The following RUFY3 variants were observed in gnomAD, a reference collection of about 807,000 sequenced individuals.
RUFY3 encodes RUN and FYVE domain containing 3.
A neutral mutation model predicts 84.0 loss-of-function variants in RUFY3; 34 were observed. That is an observed-to-expected ratio of 0.40 (90% confidence interval 0.31 to 0.54). The LOEUF is 0.54. Among genes scored for constraint, RUFY3 ranks in the 20% least tolerant of loss-of-function variants. The probability of loss-of-function intolerance (pLI) is 0.39; values close to 1 mark genes in which losing one functional copy is unlikely to be tolerated. For synonymous variants in RUFY3, 242 were observed against 252.9 expected (o/e 0.96, Z 0.41); for missense variants, 507 against 736.8 (o/e 0.69, Z 3.61).
At chr4:70,720,333 GC>G (rs904751879), upstream of RUFY3, among the ~76,000 whole-genome samples, 1 of 152,152 alleles carries the variant, frequency 6.6e-6, no homozygotes, top group African/African-American at 2.4e-5. Context: ...ACAGGCACAT[GC>G]CACCACATCT....
chr4:70,746,765 G>C (rs1722300468), intron 1 of RUFY3, among the ~76,000 whole-genome samples: 1 of 152,140 alleles, frequency 6.6e-6, no homozygotes, highest in African/African-American at 2.4e-5. Flanking sequence ...ATTCTTCGGA[G>C]AATTATGCTG....
In RUFY3 at chr4:70,783,167, T is replaced by C. The variant is rs779923378; in HGVS notation, c.971T>C (p.Leu324Pro). Residue 324 changes from leucine (L) to proline (P), a missense_variant, in exon 9 of 18, where the codon CTG (leucine) becomes CCG (proline). This residue lies in a region of RUFY3 where 334 missense variants were observed against 364.1 expected (regional missense o/e 0.92). Transcript: ENST00000381006. Reference sequence around the variant, plus strand: ...GTTAAAGAGGAAAGTTCCTACATACTGGAATCCAATCGGAAGGTTAATCTT... The same window carrying C: ...GTTAAAGAGGAAAGTTCCTACATACCGGAATCCAATCGGAAGGTTAATCTT... Reference protein sequence around the residue: ...ERVKEESSYILESNRKGPKQD... With the variant: ...ERVKEESSYIPESNRKGPKQD... The C allele has an allele frequency of 1.3e-6, 2 of 1,595,040 alleles. No individual in the cohort carries two copies. Among genetic ancestry groups the C allele is most frequent in the Non-Finnish European group, 1.7e-6 (2 of 1,163,116 alleles).
chr4:70,711,179 G>C (rs1740959488), intron 1 of RUFY3, among the ~76,000 whole-genome samples: 2 of 151,340 alleles, frequency 1.3e-5, no homozygotes, highest in South Asian at 2.1e-4. Context: ...GGCTGGTCTT[G>C]GACTCCTGGG....
chr4:70,740,594 G>A (rs1448059753), intron 1 of RUFY3, among the ~76,000 whole-genome samples: 1 of 152,180 alleles, frequency 6.6e-6, no homozygotes, highest in Non-Finnish European at 1.5e-5. Flanking sequence ...CAAGGTCACA[G>A]CAAGTCTGTA....
intron 12 of RUFY3, chr4:70,791,289 C>T: frequency 5.0e-6 from 8 of 1,613,188 alleles, no homozygotes; most frequent in Non-Finnish European, 6.8e-6. Context: ...GATCCCAAAA[C>T]ATCATTAGGC....
upstream of RUFY3, chr4:70,721,947 G>A (rs1742350618): frequency 1.6e-6 from 2 of 1,231,898 alleles, no homozygotes; most frequent in Admixed American, 8.4e-5. Flanking sequence ...GGTCACATGA[G>A]CCTGAATTTT....
intron 4 of RUFY3, among the ~76,000 whole-genome samples, chr4:70,765,654 G>A (rs572222355): frequency 6.6e-6 from 1 of 152,134 alleles, no homozygotes; most frequent in Non-Finnish European, 1.5e-5. Context: ...TCCTTCAGAG[G>A]CTATCAAAGA....
chr4:70,709,045 G>A (rs572168257), intron 1 of RUFY3, among the ~76,000 whole-genome samples: 65 of 152,258 alleles, frequency 4.3e-4, no homozygotes, highest in African/African-American at 1.5e-3. Flanking sequence ...GTAATAGAGC[G>A]AGATGCTGTT....
At chr4:70,752,506 G>A (rs879607343) in intron 1 of RUFY3, among the ~76,000 whole-genome samples, 9 of 152,188 alleles carry the variant, frequency 5.9e-5, no homozygotes, top group Admixed American at 3.3e-4. Flanking sequence ...TGATCTTTGA[G>A]AAAGCCTTCA....
At chr4:70,791,110 TAATG>T in intron 12 of RUFY3, 4 of 813,026 alleles carry the variant, frequency 4.9e-6, no homozygotes, top group Non-Finnish European at 7.9e-6. Flanking sequence ...AGAAAGAGAA[TAATG>T]ACTTATCTCT....
At chr4:70,773,165 G>T (rs940523409) in intron 5 of RUFY3, among the ~76,000 whole-genome samples, 4 of 152,058 alleles carry the variant, frequency 2.6e-5, no homozygotes, top group Non-Finnish European at 5.9e-5. Flanking sequence ...GGGGAAATGT[G>T]CTAATTTTTA....
At chr4:70,704,103 A>G (rs1417226996), upstream of RUFY3, 7 of 152,226 alleles carry the variant, frequency 4.6e-5, no homozygotes, top group Non-Finnish European at 1.0e-4. Context: ...AAAACTGTCG[A>G]CCTGTAATTG....
Position 70,763,619 on chromosome 4 carries a change from T to C in RUFY3, c.420T>C (p.Val140=). The change falls in exon 3 of 18, where the codon GTT becomes GTC. Residue 140 remains valine, a synonymous_variant. Transcript: ENST00000381006. ...WGPLELVEKL[V]PEAAEITASV... is the part of the protein sequence containing the mutation. ...CTCTAGAACTGGTAGAAAAGCTTGT[T>C]CCAGAAGCCGCAGAGATAACAGCAA... 6.2e-7 allele frequency: 1 copy of C among 1,613,312 alleles called. No individual in the cohort carries two copies. The highest frequency in any genetic ancestry group is 8.5e-7 in the Non-Finnish European group (1 of 1,179,492).
intron 7 of RUFY3, among the ~76,000 whole-genome samples, chr4:70,777,448 A>ATT: frequency 6.6e-6 from 1 of 152,298 alleles, no homozygotes; most frequent in Non-Finnish European, 1.5e-5. Flanking sequence ...AAAAATAGAC[A>ATT]TTTTTAATTT....
rs1030543422 is a variant in RUFY3 at position 70,784,896 on chromosome 4, T to G, written c.1071+17T>G. 1 of 1,545,834 alleles carries G rather than the reference T, an allele frequency of 6.5e-7. No homozygotes were observed. The highest frequency in any genetic ancestry group is 8.8e-7 in the Non-Finnish European group (1 of 1,134,578). On this transcript the variant is annotated intron_variant, in intron 10 of 17. Transcript: ENST00000381006. Reference sequence around the variant, plus strand: ...TTACGATTGGTAAACTATGCTTAATTTCTAATAGTTCAGGAATATATTAAA... The same window carrying G: ...TTACGATTGGTAAACTATGCTTAATGTCTAATAGTTCAGGAATATATTAAA...
upstream of RUFY3, among the ~76,000 whole-genome samples, chr4:70,720,578 A>G (rs1292173566): frequency 1.3e-5 from 2 of 152,180 alleles, no homozygotes; most frequent in Admixed American, 6.5e-5. Flanking sequence ...TCAAATTATG[A>G]TGAAGCATTT....
At chr4:70,711,815 C>G (rs1317804309) in intron 1 of RUFY3, among the ~76,000 whole-genome samples, 2 of 152,206 alleles carry the variant, frequency 1.3e-5, no homozygotes, top group African/African-American at 4.8e-5. Flanking sequence ...TTTCCTTCCT[C>G]ACGACTAAAC....
chr4:70,799,222 C>G (rs1226492332), intron 14 of RUFY3, among the ~76,000 whole-genome samples: 1 of 151,430 alleles, frequency 6.6e-6, no homozygotes, highest in African/African-American at 2.4e-5. Context: ...GTAGAAAATT[C>G]CTTGAGTTGA....
intron 5 of RUFY3, among the ~76,000 whole-genome samples, chr4:70,771,222 A>G (rs2148730557): frequency 6.6e-6 from 1 of 152,294 alleles, no homozygotes; most frequent in South Asian, 2.1e-4. Context: ...GCACTAATAT[A>G]CTTGCATGAC....
Sources: gnomAD v4.1 joint callset for allele counts (sites outside exome capture counted in the v4.1 genomes callset) on GRCh38, gnomAD v4.1.1 for gene constraint, gnomAD v4.1.1 regional missense constraint, MANE v1.5 for transcripts, NCBI Gene and HGNC (gene_info 2026-07-23, HGNC 2026-07-21) for gene names.